Variants in AK5 observed in about 807,000 individuals in gnomAD.
AK5 encodes adenylate kinase 5, also known as adenylate kinase isoenzyme 5.
A neutral mutation model predicts 69.5 loss-of-function variants in AK5; 27 were observed. The observed-to-expected ratio is 0.39, with a 90% confidence interval of 0.29 to 0.54. The LOEUF (loss-of-function observed/expected upper bound fraction) is 0.54, where lower values mean the gene tolerates loss of function less well. Ranked by LOEUF, AK5 falls within the 20% of genes least tolerant of loss-of-function variation. The pLI is 0.71. For missense variants in AK5, 531 were observed against 700.4 expected, an observed-to-expected ratio of 0.76 and a Z score of 2.73; for synonymous variants, 260 against 244.4, an observed-to-expected ratio of 1.06 and a Z score of -0.60.
chr1:77,336,409 C>G (rs1186567567), intron 5 of AK5, among the ~76,000 whole-genome samples: 1 of 152,174 alleles, frequency 6.6e-6, no homozygotes, highest in Non-Finnish European at 1.5e-5. Context: ...GATAACAACA[C>G]TGTTTGCATA....
chr1:77,405,838 G>A (rs748194808), intron 6 of AK5, among the ~76,000 whole-genome samples: 3 of 152,106 alleles, frequency 2.0e-5, no homozygotes, highest in East Asian at 3.9e-4. Flanking sequence ...CATGTTGCCG[G>A]CTGTGTTTAT....
chr1:77,340,542 T>A lies in AK5; in HGVS notation c.865T>A (p.Phe289Ile), dbSNP rs1661600519. The stretch of plus-strand genomic sequence containing the variant: ...GAATGCTGCTCCATTGGTTAAATAC[T>A]TCCAGGAAAAGGGGCTCATCATGAC... ...KQNAAPLVKY[F>I]QEKGLIMTFD... The change falls in exon 6 of 14, where the codon TTC (phenylalanine) becomes ATC (isoleucine). Residue 289 changes from phenylalanine to isoleucine, a missense_variant. By Grantham distance (21) the Phe-to-Ile change is conservative. Coordinates refer to ENST00000354567, the MANE Select transcript of AK5 (RefSeq NM_174858.3). 1 of 1,613,884 alleles carries A rather than the reference T, an allele frequency of 6.2e-7. No homozygotes were observed. The highest frequency in any genetic ancestry group is 1.3e-5 in the African/African-American group (1 of 74,924).
intron 5 of AK5, 77 bp from the exon 6 acceptor site, chr1:77,340,300 A>G: frequency 7.1e-7 from 1 of 1,400,470 alleles, no homozygotes; most frequent in Non-Finnish European, 9.9e-7. Context: ...ACAGAACAAA[A>G]GGAAATGAAT....
At chr1:77,393,459 T>C (rs1570493240) in intron 6 of AK5, among the ~76,000 whole-genome samples, 1 of 152,322 alleles carries the variant, frequency 6.6e-6, no homozygotes, top group African/African-American at 2.4e-5. Flanking sequence ...TATAATGGTA[T>C]TTATGAAATA....
At chr1:77,368,219 A>ATG in intron 6 of AK5, among the ~76,000 whole-genome samples, 1 of 30,714 alleles carries the variant, frequency 3.3e-5, no homozygotes, top group South Asian at 4.1e-3. Context: ...GAGATACTAT[A>ATG]TATATATATA....
chr1:77,533,345 G>A (rs1279864055), intron 12 of AK5, among the ~76,000 whole-genome samples: 3 of 151,810 alleles, frequency 2.0e-5, no homozygotes, highest in Non-Finnish European at 4.4e-5. Flanking sequence ...GTGAAACCCC[G>A]TCTCTACTAA....
chr1:77,401,471 T>C (rs1395124141), intron 6 of AK5, among the ~76,000 whole-genome samples: 5 of 152,168 alleles, frequency 3.3e-5, no homozygotes, highest in Admixed American at 6.5e-5. Context: ...ATGACACTTA[T>C]GGGATATATA....
chr1:77,483,212 C>T (rs1326948642), intron 8 of AK5, 105 bp from the exon 9 acceptor site: 2 of 777,414 alleles, frequency 2.6e-6, no homozygotes, highest in Admixed American at 3.9e-5. Context: ...TTTGGAGGTG[C>T]CTCCCTCTTA....
At chr1:77,332,241 TC>T (rs1189648118) in intron 5 of AK5, among the ~76,000 whole-genome samples, 2 of 152,124 alleles carry the variant, frequency 1.3e-5, no homozygotes, top group African/African-American at 4.8e-5. Flanking sequence ...GTGCCTTTCC[TC>T]TTTTTCTTCA....
At position 77,297,974 on chromosome 1, in the gene AK5, T is replaced by C. The variant is rs775757390; in HGVS notation, c.699+27T>C. The C allele has an allele frequency of 3.3e-6, 5 of 1,511,450 alleles. No individual in the cohort carries two copies. In the African/African-American group the frequency reaches 5.6e-5, roughly 17 times the overall value. 93.6% of individuals were successfully genotyped at this position (1,511,450 alleles called of 1,614,324 possible). A position where few individuals can be genotyped will look rare whatever the true frequency, so the allele number is the denominator to read the frequency against. The stretch of plus-strand genomic sequence containing the variant: ...TAAGAATATCTCCTTATATTTTAAA[T>C]GAACTACTTTTTGCTTAAAATTTTG... On this transcript the variant is annotated intron_variant, in intron 5 of 13. Transcript: ENST00000354567.
At chr1:77,538,324 G>A (rs1370169876) in intron 13 of AK5, among the ~76,000 whole-genome samples, 2 of 148,872 alleles carry the variant, frequency 1.3e-5, no homozygotes, top group African/African-American at 5.0e-5. Flanking sequence ...GGGCAACAGA[G>A]CAAGACTGTC....
At chr1:77,523,075 A>G (rs1186707189) in intron 12 of AK5, among the ~76,000 whole-genome samples, 1 of 152,136 alleles carries the variant, frequency 6.6e-6, no homozygotes, top group African/African-American at 2.4e-5. Context: ...TTCTAGTAAC[A>G]TTGATTGAGG....
chr1:77,470,850 TATATATATATATATATATATATA>T (rs1654434021), intron 8 of AK5, among the ~76,000 whole-genome samples: 168 of 14,802 alleles, frequency 0.011, 12 homozygotes, highest in Middle Eastern at 0.024. Context: ...TATATATATA[TATATATATATATATATATATATA>T]TATTTTTTTT....
chr1:77,326,470 G>GT (rs1660810919), intron 5 of AK5, among the ~76,000 whole-genome samples: 1 of 151,302 alleles, frequency 6.6e-6, no homozygotes, highest in African/African-American at 2.4e-5. Context: ...GTACTTTCAT[G>GT]TAAGTTTCAA....
chr1:77,545,306 A>G (rs953396378), intron 13 of AK5, among the ~76,000 whole-genome samples: 3 of 151,756 alleles, frequency 2.0e-5, no homozygotes, highest in Non-Finnish European at 2.9e-5. Context: ...CAAACTTTTT[A>G]CTACAGACAC....
intron 8 of AK5, among the ~76,000 whole-genome samples, chr1:77,468,968 A>G (rs1187127947): frequency 6.6e-6 from 1 of 152,254 alleles, no homozygotes; most frequent in Non-Finnish European, 1.5e-5. Flanking sequence ...TGGGGAAATT[A>G]TAGCAGACAG....
At chr1:77,439,286 A>T (rs1007821689) in intron 8 of AK5, among the ~76,000 whole-genome samples, 1 of 152,158 alleles carries the variant, frequency 6.6e-6, no homozygotes, top group South Asian at 2.1e-4. Flanking sequence ...AGATTACATA[A>T]TTTTTATTGA....
intron 6 of AK5, among the ~76,000 whole-genome samples, chr1:77,398,646 A>G (rs1648988223): frequency 6.6e-6 from 1 of 152,224 alleles, no homozygotes; most frequent in South Asian, 2.1e-4. Flanking sequence ...AAAAACGAGA[A>G]CTGCACAGTG....
intron 12 of AK5, among the ~76,000 whole-genome samples, chr1:77,531,494 C>T (rs1658586093): frequency 6.6e-6 from 1 of 152,096 alleles, no homozygotes; most frequent in South Asian, 2.1e-4. Flanking sequence ...AGTGTGGACA[C>T]AAAGGTTCTC....
Sources: gnomAD v4.1 joint callset for allele counts (sites outside exome capture counted in the v4.1 genomes callset) on GRCh38, gnomAD v4.1.1 for gene constraint, MANE v1.5 for transcripts, NCBI Gene and HGNC (gene_info 2026-07-23, HGNC 2026-07-21) for gene names.